The following ADGRV1 variants were observed in gnomAD, a reference collection of about 807,000 sequenced individuals.
ADGRV1 encodes adhesion G protein-coupled receptor V1.
In ADGRV1, 359 loss-of-function variants were observed where a neutral mutation model predicts 596.2. That is an observed-to-expected ratio of 0.60 (90% CI 0.55 to 0.66). The LOEUF is 0.66. Among genes scored for constraint, ADGRV1 ranks in the 30% least tolerant of loss-of-function variants. The probability of loss-of-function intolerance (pLI) is 0.00; values close to 1 mark genes in which losing one functional copy is unlikely to be tolerated. For synonymous variants in ADGRV1, 2,681 were observed against 2,679.2 expected (o/e 1.00, Z -0.02); for missense variants, 7,274 against 7,575.6 (o/e 0.96, Z 1.48).
At chr5:91,100,298 T>C (rs1388805815) in intron 86 of ADGRV1, among the ~76,000 whole-genome samples, 3 of 152,120 alleles carry the variant, frequency 2.0e-5, no homozygotes, top group Non-Finnish European at 4.4e-5. Flanking sequence ...GGCATGCGCC[T>C]ATAGTTTCAG....
intron 25 of ADGRV1, chr5:90,676,701 T>G (rs1432775250): frequency 6.5e-6 from 1 of 153,488 alleles, no homozygotes; most frequent in Non-Finnish European, 1.4e-5. Context: ...AAATTACAGT[T>G]TTCATTCATG....
Position 90,791,003 on chromosome 5 carries a change from A to C in ADGRV1, c.14174A>C (p.Glu4725Ala). The change falls in exon 70 of 90, where the codon GAG (glutamate) becomes GCG (alanine). Residue 4725 changes from glutamate (E) to alanine (A), a missense_variant. Physicochemically the swap from Glu to Ala is moderately radical, Grantham distance 107. Around this residue, in one of 5 missense-constraint regions of ADGRV1, gnomAD observed 1,874 missense variants for 1,970.2 expected, o/e 0.95. Transcript: ENST00000405460. ...DVHLLPDEVP[E>A]IEEDYVIQLV... is the part of the protein sequence containing the mutation. Reference sequence around the variant, plus strand: ...CATTTGCTACCAGATGAGGTACCTGAGATAGAGGAAGATTATGTGATCCAG... The same window carrying C: ...CATTTGCTACCAGATGAGGTACCTGCGATAGAGGAAGATTATGTGATCCAG... 2.5e-6 allele frequency: 4 copies of C among 1,613,880 alleles called. No homozygotes were observed. Among genetic ancestry groups the C allele is most frequent in the Non-Finnish European group, 3.4e-6 (4 of 1,179,842 alleles).
chr5:90,834,116 TAG>T (rs1354625878), intron 77 of ADGRV1, among the ~76,000 whole-genome samples: 1 of 152,184 alleles, frequency 6.6e-6, no homozygotes, highest in Non-Finnish European at 1.5e-5. Flanking sequence ...AAAGTTGTTG[TAG>T]TTATTATTTT....
intron 36 of ADGRV1, 86 bp from the exon 37 acceptor site, chr5:90,705,314 C>A: frequency 1.8e-6 from 2 of 1,098,500 alleles, no homozygotes; most frequent in South Asian, 1.5e-5. Flanking sequence ...TTTTGATTAC[C>A]TTAATGTTTC....
At position 90,859,923 on chromosome 5, in the gene ADGRV1, TAA is replaced by T. The variant is rs575648968; in HGVS notation, c.17756-3816_17756-3815del. On this transcript the variant is annotated intron_variant, in intron 82 of 89. Transcript: ENST00000405460. The stretch of plus-strand genomic sequence containing the variant: ...AGCGAGACCCTGTCTGTACAAAAAG[TAA>T]AAAAAAAAAAAAAAAAATTAGCCAA... 3.3e-3 allele frequency among the ~76,000 whole-genome samples: 393 copies of T among 117,330 alleles called. 1 individual carries two copies. The highest frequency in any genetic ancestry group is 7.6e-3 in the Admixed American group (87 of 11,482). 77.0% of individuals were successfully genotyped at this position (117,330 alleles called of 152,430 possible). A position where few individuals can be genotyped will look rare whatever the true frequency, so the allele number is the denominator to read the frequency against.
At chr5:90,854,942 A>G (rs534210290) in intron 81 of ADGRV1, among the ~76,000 whole-genome samples, 5 of 152,188 alleles carry the variant, frequency 3.3e-5, no homozygotes, top group Non-Finnish European at 5.9e-5. Context: ...TCCACTTGAA[A>G]TTTCTTCCTA....
At chr5:90,885,787 C>T (rs1436625182) in intron 83 of ADGRV1, among the ~76,000 whole-genome samples, 1 of 151,880 alleles carries the variant, frequency 6.6e-6, no homozygotes, top group Non-Finnish European at 1.5e-5. Flanking sequence ...TTTGTCTGGC[C>T]CTTTTATTCT....
intron 83 of ADGRV1, among the ~76,000 whole-genome samples, chr5:90,921,066 G>A (rs1048466006): frequency 1.1e-4 from 17 of 152,206 alleles, no homozygotes; most frequent in African/African-American, 3.6e-4. Context: ...TTCCCTATGT[G>A]TTCCTCCCAG....
chr5:90,869,679 G>T (rs76525141), intron 83 of ADGRV1, among the ~76,000 whole-genome samples: 5,324 of 152,008 alleles, frequency 0.035, 237 homozygotes, highest in East Asian at 0.14. Context: ...TTTCTTGTCT[G>T]TCTTTAAATC....
rs560960922 is a variant in ADGRV1, at chr5:90,575,161, T to C, written c.22+16244T>C. 7.9e-5 allele frequency among the ~76,000 whole-genome samples: 12 copies of C among 152,244 alleles called. No homozygotes were observed. In the South Asian group the frequency reaches 2.5e-3, roughly 32 times the overall value. The stretch of plus-strand genomic sequence containing the variant: ...TTGGTTTGTTCTTTTTTTCCTAGTT[T>C]TTTTTAGGTGCAAAGTTATATTGTT... On this transcript the variant is annotated intron_variant, in intron 1 of 89. Transcript: ENST00000405460.
intron 42 of ADGRV1, among the ~76,000 whole-genome samples, chr5:90,715,974 C>A (rs1400874987): frequency 1.3e-5 from 2 of 152,140 alleles, no homozygotes; most frequent in African/African-American, 2.4e-5. Context: ...GTGAAGGTTA[C>A]TCAGCTTGCT....
chr5:91,111,997 A>G (rs1168738162), intron 87 of ADGRV1, among the ~76,000 whole-genome samples: 6 of 152,252 alleles, frequency 3.9e-5, no homozygotes, highest in Non-Finnish European at 5.9e-5. Flanking sequence ...CCCCGTGTTC[A>G]GTAGCATCTG....
At chr5:90,656,039 G>A (rs1769363065) in intron 20 of ADGRV1, among the ~76,000 whole-genome samples, 2 of 152,152 alleles carry the variant, frequency 1.3e-5, no homozygotes, top group Admixed American at 1.3e-4. Context: ...CAGAGTGAAA[G>A]ATGCCATATT....
chr5:90,681,804 TCCTCCCTCCCTC>T (rs200203119), intron 27 of ADGRV1, among the ~76,000 whole-genome samples: 1 of 139,844 alleles, frequency 7.2e-6, no homozygotes, highest in Non-Finnish European at 1.5e-5. Flanking sequence ...AGAATTGCCT[TCCTCCCTCCCTC>T]CCTCCCTCAC....
intron 82 of ADGRV1, among the ~76,000 whole-genome samples, chr5:90,860,913 G>A (rs1056822976): frequency 2.4e-4 from 37 of 152,050 alleles, no homozygotes; most frequent in African/African-American, 8.9e-4. Context: ...TAAGTTATTT[G>A]GAAAGTATCT....
chr5:90,922,219 T>C (rs1428751465), intron 83 of ADGRV1, among the ~76,000 whole-genome samples: 1 of 152,224 alleles, frequency 6.6e-6, no homozygotes, highest in Non-Finnish European at 1.5e-5. Flanking sequence ...AAATAGTCTT[T>C]TGACTGATTA....
chr5:91,118,879 G>A (rs1173249893), intron 87 of ADGRV1, among the ~76,000 whole-genome samples: 2 of 152,090 alleles, frequency 1.3e-5, no homozygotes, highest in African/African-American at 4.8e-5. Context: ...GAACTCATAG[G>A]GGATTCTCTT....
At chr5:90,873,929 A>T (rs1768961213) in intron 83 of ADGRV1, among the ~76,000 whole-genome samples, 1 of 152,060 alleles carries the variant, frequency 6.6e-6, no homozygotes. Flanking sequence ...CACCTAAGCC[A>T]CCTTTCTTCT....
In ADGRV1 at chr5:90,745,619, G is replaced by T; in HGVS notation, c.10798G>T (p.Glu3600Ter). The T allele has an allele frequency of 6.2e-7, 1 of 1,612,164 alleles. No homozygotes were observed. The change falls in exon 52 of 90, where the codon GAG (glutamate) becomes TAG (stop). Residue 3600 changes from glutamate (E) to a stop codon, truncating the protein, a stop_gained. Transcript: ENST00000405460. LOFTEE classifies it high-confidence loss of function. ...AGGTGAACTGATATTTGAACCTGGT[G>T]AGAGAGAAGCTACAATAGCAGTAAA... is the stretch of plus-strand genomic sequence containing the variant. ...SSGELIFEPG[E>*]REATIAVNIL...
Sources: allele counts gnomAD v4.1 joint callset (sites outside exome capture counted in the v4.1 genomes callset), GRCh38; gene constraint gnomAD v4.1.1; regional missense constraint gnomAD v4.1.1; transcripts MANE v1.5; gene names NCBI Gene and HGNC (gene_info 2026-07-23, HGNC 2026-07-21).